RNF216: variants seen among roughly 807,000 people sequenced by gnomAD.
The protein encoded by RNF216 is ring finger protein 216.
RNF216 carries 72 observed loss-of-function variants against 110.8 expected under a neutral mutation model. That is an observed-to-expected ratio of 0.65 (90% CI 0.54 to 0.79). The LOEUF is 0.79. RNF216 is among the 30% of genes least tolerant of loss of function. The probability of loss-of-function intolerance (pLI) is 0.00; values close to 1 mark genes in which losing one functional copy is unlikely to be tolerated. For synonymous variants in RNF216, 495 were observed against 407.5 expected, an observed-to-expected ratio of 1.21 and a Z score of -2.59; for missense variants, 1,342 against 1,141.2, an observed-to-expected ratio of 1.18 and a Z score of -2.54.
chr7:5,708,082 G>T (rs1792415915), intron 13 of RNF216, among the ~76,000 whole-genome samples: 1 of 152,306 alleles, frequency 6.6e-6, no homozygotes, highest in African/African-American at 2.4e-5. Flanking sequence ...ATTTCTAAGT[G>T]TATCGCCTTG....
chr7:5,682,821 G>A (rs1790746086), intron 13 of RNF216, among the ~76,000 whole-genome samples: 1 of 152,024 alleles, frequency 6.6e-6, no homozygotes, highest in African/African-American at 2.4e-5. Flanking sequence ...GGATTCTCTT[G>A]GAATCAAGAG....
At position 5,674,017 on chromosome 7, in the gene RNF216, G is replaced by A. The variant is rs113954732; in HGVS notation, c.2062-21507C>T. Among the ~76,000 whole-genome samples, 273 of 150,874 alleles carry A rather than the reference G, an allele frequency of 1.8e-3. 2 individuals are homozygous for A. Among genetic ancestry groups the A allele is most frequent in the Middle Eastern group, 0.01 (3 of 288 alleles). On this transcript the variant is annotated intron_variant, in intron 13 of 16. Coordinates refer to ENST00000389902, the MANE Select transcript of RNF216 (RefSeq NM_207111.4). ...TGAGATTACAGGTGTGCACCACCAT[G>A]CCTGGATAATTTTCAATTTTTTTTT...
At chr7:5,774,728 G>A (rs74339427) in intron 1 of RNF216, among the ~76,000 whole-genome samples, 20 of 151,254 alleles carry the variant, frequency 1.3e-4, no homozygotes, top group East Asian at 3.9e-4. Context: ...TTCAAGGGGG[G>A]AAAAAATCTT....
intron 1 of RNF216, chr7:5,775,072 C>T (rs1330619224): frequency 1.3e-5 from 2 of 152,084 alleles, no homozygotes; most frequent in Admixed American, 6.6e-5. Flanking sequence ...GTTGTATTTC[C>T]AATGCCTAGC....
intron 13 of RNF216, among the ~76,000 whole-genome samples, chr7:5,666,032 G>T (rs530173601): frequency 4.1e-4 from 63 of 152,180 alleles, no homozygotes; most frequent in African/African-American, 1.4e-3. Flanking sequence ...CGGGCGTGGT[G>T]GCGGGCGCCT....
chr7:5,757,654 T>A (rs182517366), intron 2 of RNF216, among the ~76,000 whole-genome samples: 4 of 152,274 alleles, frequency 2.6e-5, no homozygotes, highest in African/African-American at 9.6e-5. Flanking sequence ...ATATATACAG[T>A]ATGTATAATT....
intron 13 of RNF216, among the ~76,000 whole-genome samples, chr7:5,675,503 G>A (rs565247404): frequency 7.2e-5 from 11 of 152,022 alleles, no homozygotes; most frequent in South Asian, 2.1e-4. Context: ...TTAGCTGAGT[G>A]TAGTGGTGCC....
chr7:5,771,276 C>G (rs549448609), intron 1 of RNF216, among the ~76,000 whole-genome samples: 1 of 152,126 alleles, frequency 6.6e-6, no homozygotes, highest in Non-Finnish European at 1.5e-5. Flanking sequence ...GATAACTACA[C>G]ATTTAAACAG....
At chr7:5,758,694 C>T (rs1407085331) in intron 2 of RNF216, among the ~76,000 whole-genome samples, 1 of 152,102 alleles carries the variant, frequency 6.6e-6, no homozygotes, top group Non-Finnish European at 1.5e-5. Flanking sequence ...CCAATTTCTC[C>T]CTTTTGGAAC....
intron 7 of RNF216, among the ~76,000 whole-genome samples, chr7:5,728,981 C>A (rs969731624): frequency 6.6e-6 from 1 of 152,128 alleles, no homozygotes; most frequent in African/African-American, 2.4e-5. Context: ...TAGGATCCTG[C>A]GGGGAGAACG....
At chr7:5,754,118 TGGTGTG>T (rs1360006188) in intron 2 of RNF216, among the ~76,000 whole-genome samples, 61 of 126,024 alleles carry the variant, frequency 4.8e-4, no homozygotes, top group African/African-American at 1.7e-3. Context: ...TTCTTTTGTG[TGGTGTG>T]TGTGTGTGTG....
chr7:5,741,358 T>G lies in RNF216; in HGVS notation c.659A>C (p.Asp220Ala). 6.2e-7 allele frequency: 1 copy of G among 1,614,192 alleles called. No individual in the cohort carries two copies. The highest frequency in any genetic ancestry group is 1.1e-5 in the South Asian group (1 of 91,090). The stretch of plus-strand genomic sequence containing the variant: ...GCAGTCTTCTTCGATGGCCTGATCA[T>G]CTGCTAGAGCAGCTGACTCTCCTAG... ...SNLGESAALA[D>A]DQAIEEDCWL... The change falls in exon 4 of 17, where the codon GAT (aspartate) becomes GCT (alanine). Residue 220 changes from aspartate to alanine, a missense_variant. Transcript: ENST00000389902.
rs557041830 is a variant in RNF216 at position 5,769,317 on chromosome 7, C to T, written c.-69-8179G>A. On this transcript the variant is annotated intron_variant, in intron 1 of 16. Coordinates refer to ENST00000389902, the MANE Select transcript of RNF216 (RefSeq NM_207111.4). ...ATTTTTAGTAGAGAAGGGGTTTCAC[C>T]ATGTTGGCCAGGATGGTCTCAATCT... 3.3e-5 allele frequency among the ~76,000 whole-genome samples: 5 copies of T among 152,064 alleles called. No individual in the cohort carries two copies. In the South Asian group the frequency reaches 6.2e-4, roughly 19 times the overall value.
At chr7:5,758,765 G>T (rs904431991) in intron 2 of RNF216, among the ~76,000 whole-genome samples, 4 of 152,120 alleles carry the variant, frequency 2.6e-5, no homozygotes, top group African/African-American at 9.7e-5. Flanking sequence ...ACTTGTTTTT[G>T]ACTTTACAGG....
At chr7:5,706,861 C>G (rs1027004830) in intron 13 of RNF216, among the ~76,000 whole-genome samples, 1 of 152,192 alleles carries the variant, frequency 6.6e-6, no homozygotes, top group East Asian at 1.9e-4. Context: ...TGTCATGAAG[C>G]TTTCCACCTA....
At chr7:5,745,827 G>C (rs1019314047) in intron 3 of RNF216, among the ~76,000 whole-genome samples, 2 of 150,956 alleles carry the variant, frequency 1.3e-5, no homozygotes, top group African/African-American at 4.9e-5. Flanking sequence ...GCTTAAACTC[G>C]GGATGTTGCA....
At chr7:5,747,895 G>C (rs1795118626) in intron 3 of RNF216, among the ~76,000 whole-genome samples, 2 of 151,886 alleles carry the variant, frequency 1.3e-5, no homozygotes. Flanking sequence ...CCTCCTGCTA[G>C]GCCTCTCAAA....
intron 1 of RNF216, among the ~76,000 whole-genome samples, chr7:5,778,617 T>A (rs965042106): frequency 6.6e-6 from 1 of 152,198 alleles, no homozygotes; most frequent in South Asian, 2.1e-4. Flanking sequence ...TCAGAATAAA[T>A]AGCACTCACT....
chr7:5,621,363 G>A lies in RNF216; in HGVS notation c.*1497C>T, dbSNP rs947088407. ...CTAATTTTGTATTTTTAGTAGAGAC[G>A]GGGACTCAAACTCCCGACCTCAACT... On this transcript the variant is annotated 3_prime_UTR_variant, in exon 17 of 17. Coordinates refer to ENST00000389902, the MANE Select transcript of RNF216 (RefSeq NM_207111.4). The A allele has an allele frequency of 2.6e-5, 4 of 152,194 alleles. No individual in the cohort carries two copies. The highest frequency in any genetic ancestry group is 7.2e-5 in the African/African-American group (3 of 41,498). The allele number at this position is 152,194 out of a possible 1,614,324, so 9.4% of individuals were successfully genotyped here.
Sources: allele counts gnomAD v4.1 joint callset (sites outside exome capture counted in the v4.1 genomes callset), GRCh38; gene constraint gnomAD v4.1.1; transcripts MANE v1.5; gene names NCBI Gene and HGNC (gene_info 2026-07-23, HGNC 2026-07-21).